ARMC8: variants seen among roughly 807,000 people sequenced by gnomAD.
The protein encoded by ARMC8 is armadillo repeat containing 8.
In ARMC8, 20 loss-of-function variants were observed where a neutral mutation model predicts 99.3. That is an observed-to-expected ratio of 0.20 (90% confidence interval 0.14 to 0.29). The LOEUF is 0.29. ARMC8 is among the 10% of genes least tolerant of loss of function. ARMC8 has a pLI of 1.00. For missense variants in ARMC8, 569 were observed against 809.5 expected (o/e 0.70, Z 3.60); for synonymous variants, 263 against 278.3 (o/e 0.95, Z 0.55).
chr3:138,232,741 G>A (rs1271811204), intron 6 of ARMC8, among the ~76,000 whole-genome samples: 1 of 152,152 alleles, frequency 6.6e-6, no homozygotes, highest in African/African-American at 2.4e-5. Flanking sequence ...TCTACCATTT[G>A]TATTAAAATG....
chr3:138,198,388 C>T (rs934031745), intron 1 of ARMC8, among the ~76,000 whole-genome samples: 8 of 151,866 alleles, frequency 5.3e-5, no homozygotes, highest in East Asian at 1.9e-4. Flanking sequence ...AACTGAAAAC[C>T]GGAGAGGCTG....
At chr3:138,237,286 TG>T in intron 7 of ARMC8, 22 bp from the exon 8 acceptor site, 1 of 1,604,814 alleles carries the variant, frequency 6.2e-7, no homozygotes, top group Non-Finnish European at 8.5e-7. Flanking sequence ...ACACATTTTT[TG>T]TTTGTTCATT....
chr3:138,191,164 A>C (rs1379037571), intron 1 of ARMC8, among the ~76,000 whole-genome samples: 2 of 152,178 alleles, frequency 1.3e-5, no homozygotes, highest in African/African-American at 4.8e-5. Flanking sequence ...TTGTCTTGCA[A>C]ATCCTAGGTA....
chr3:138,221,397 G>C (rs1421827352), intron 2 of ARMC8, among the ~76,000 whole-genome samples: 1 of 152,050 alleles, frequency 6.6e-6, no homozygotes, highest in Non-Finnish European at 1.5e-5. Context: ...ATCACTTGAA[G>C]ACTGACTGTG....
intron 1 of ARMC8, among the ~76,000 whole-genome samples, chr3:138,200,283 G>C (rs937071606): frequency 6.7e-6 from 1 of 149,792 alleles, no homozygotes. Flanking sequence ...GTTTTGTTGT[G>C]AATGTGACAG....
chr3:138,274,633 G>T, intron 18 of ARMC8, 89 bp downstream of exon 18: 1 of 941,472 alleles, frequency 1.1e-6, no homozygotes, highest in Non-Finnish European at 1.7e-6. Flanking sequence ...CAAATCTGCA[G>T]AAGACAGAGT....
At chr3:138,284,741 C>T (rs1027317802) in intron 19 of ARMC8, among the ~76,000 whole-genome samples, 5 of 152,150 alleles carry the variant, frequency 3.3e-5, no homozygotes, top group South Asian at 2.1e-4. Context: ...ACCTGCCAGT[C>T]GACTCCCTGC....
intron 1 of ARMC8, among the ~76,000 whole-genome samples, chr3:138,196,623 C>G (rs1006498504): frequency 1.3e-5 from 2 of 152,082 alleles, no homozygotes; most frequent in African/African-American, 4.8e-5. Flanking sequence ...AATCCCAGCA[C>G]TTTGGGAGAC....
At chr3:138,277,182 A>ACT (rs2049379816) in intron 18 of ARMC8, among the ~76,000 whole-genome samples, 8 of 152,208 alleles carry the variant, frequency 5.3e-5, no homozygotes, top group Non-Finnish European at 8.8e-5. Flanking sequence ...TGGAGAAAGA[A>ACT]TGGTCTTTTC....
At position 138,192,372 on chromosome 3, in the gene ARMC8, G is replaced by A. The variant is rs867219046; in HGVS notation, c.45+4773G>A. Among the ~76,000 whole-genome samples the A allele has an allele frequency of 9.3e-5, 14 of 150,812 alleles. No homozygotes were observed. The South Asian group carries it at 2.1e-3, about 23-fold the overall frequency. ...AGCTCACTGCAAGCTCCGCCTCCTGGGTTCACACCATTCTCCTGCTTCAGC... is the reference window on the plus strand; with the variant it reads ...AGCTCACTGCAAGCTCCGCCTCCTGAGTTCACACCATTCTCCTGCTTCAGC... On this transcript the variant is annotated intron_variant, in intron 1 of 21. Transcript: ENST00000469044.
At chr3:138,218,721 G>A (rs920448761) in intron 2 of ARMC8, among the ~76,000 whole-genome samples, 5 of 152,152 alleles carry the variant, frequency 3.3e-5, no homozygotes, top group Admixed American at 6.5e-5. Context: ...CTCAGACCAG[G>A]CATCCCATTG....
chr3:138,294,202 T>G (rs2051254691), intron 21 of ARMC8, among the ~76,000 whole-genome samples: 1 of 152,232 alleles, frequency 6.6e-6, no homozygotes, highest in Admixed American at 6.5e-5. Flanking sequence ...ACCTGAAGAA[T>G]ATATCTCTCA....
chr3:138,277,471 A>G (rs1319960193), intron 18 of ARMC8, among the ~76,000 whole-genome samples: 1 of 152,354 alleles, frequency 6.6e-6, no homozygotes, highest in Non-Finnish European at 1.5e-5. Flanking sequence ...CAAGCCATCC[A>G]CCGGAAGGAA....
chr3:138,257,077 T>C (rs1477034388), intron 12 of ARMC8, among the ~76,000 whole-genome samples: 2 of 152,188 alleles, frequency 1.3e-5, no homozygotes, highest in Non-Finnish European at 2.9e-5. Context: ...ATATTAACAT[T>C]ATTCAGCCTA....
chr3:138,263,873 G>A, intron 13 of ARMC8, 52 bp downstream of exon 13: 1 of 1,524,778 alleles, frequency 6.6e-7, no homozygotes, highest in Non-Finnish European at 9.1e-7. Context: ...TATTTAACCT[G>A]TTTCCTTTCT....
At chr3:138,192,275 C>CTTTTTTTTTT (rs372563436) in intron 1 of ARMC8, among the ~76,000 whole-genome samples, 2 of 130,688 alleles carry the variant, frequency 1.5e-5, no homozygotes, top group Non-Finnish European at 3.2e-5. Context: ...TTTATTTATC[C>CTTTTTTTTTT]TTTTTTTTTT....
intron 1 of ARMC8, among the ~76,000 whole-genome samples, chr3:138,194,168 G>A (rs1013971586): frequency 6.6e-6 from 1 of 150,398 alleles, no homozygotes; most frequent in South Asian, 2.1e-4. Flanking sequence ...TCAGCCTCCC[G>A]AGTAGCTGGG....
intron 2 of ARMC8, among the ~76,000 whole-genome samples, chr3:138,221,247 C>T (rs1033646433): frequency 2.0e-5 from 3 of 152,090 alleles, no homozygotes; most frequent in African/African-American, 7.2e-5. Context: ...AGATAACTGG[C>T]TGCTTAAGCA....
At chr3:138,187,962 CTTGTGAAGCGCCG>C in intron 1 of ARMC8, 1 of 315,124 alleles carries the variant, frequency 3.2e-6, no homozygotes, top group Non-Finnish European at 5.9e-6. Flanking sequence ...AACGCTCTGC[CTTGTGAAGCGCCG>C]GGCTTGCAGC....
Sources: allele counts gnomAD v4.1 joint callset (sites outside exome capture counted in the v4.1 genomes callset), GRCh38; gene constraint gnomAD v4.1.1; transcripts MANE v1.5; gene names NCBI Gene and HGNC (gene_info 2026-07-23, HGNC 2026-07-21).